Variants in LRRC63 observed in about 807,000 individuals in gnomAD.
LRRC63 encodes leucine rich repeat containing 63.
LRRC63 carries 40 observed loss-of-function variants against 49.5 expected under a neutral mutation model. The observed-to-expected ratio is 0.81, with a 90% confidence interval of 0.63 to 1.05. LRRC63 has a LOEUF of 1.05. Among genes scored for constraint, LRRC63 ranks in the 50% least tolerant of loss-of-function variants. LRRC63 has a pLI of 0.00. For synonymous variants in LRRC63, 191 were observed against 221.1 expected, an observed-to-expected ratio of 0.86 and a Z score of 1.21; for missense variants, 636 against 663.1, an observed-to-expected ratio of 0.96 and a Z score of 0.45.
chr13:46,257,345 G>C (rs933509784), intron 7 of LRRC63, among the ~76,000 whole-genome samples: 1 of 152,152 alleles, frequency 6.6e-6, no homozygotes, highest in Non-Finnish European at 1.5e-5. Context: ...TTTTAGTAGA[G>C]TGAGACCTTT....
intron 6 of LRRC63, chr13:46,250,088 A>G (rs375686376): frequency 7.8e-5 from 16 of 204,812 alleles, no homozygotes; most frequent in East Asian, 5.4e-4. Context: ...TTGATCAGAA[A>G]GGGTAACTTT....
intron 5 of LRRC63, among the ~76,000 whole-genome samples, chr13:46,241,957 C>T (rs183680472): frequency 3.3e-5 from 5 of 152,228 alleles, no homozygotes; most frequent in Non-Finnish European, 5.9e-5. Context: ...GACCCAGCAT[C>T]CCATTACTGG....
chr13:46,266,913 A>G (rs2047691688), exon 9 of LRRC63: 19 of 1,548,206 alleles, frequency 1.2e-5, no homozygotes, highest in Non-Finnish European at 1.5e-5. Flanking sequence ...TCATTGTCCA[A>G]AATAAACTAC....
intron 5 of LRRC63, among the ~76,000 whole-genome samples, chr13:46,236,059 A>C (rs1320748530): frequency 3.9e-5 from 6 of 152,110 alleles, no homozygotes; most frequent in Non-Finnish European, 1.5e-5. Context: ...AGAAATATTG[A>C]TTAGGCAGAA....
intron 2 of LRRC63, among the ~76,000 whole-genome samples, chr13:46,215,964 C>G (rs150099619): frequency 8.0e-4 from 121 of 152,188 alleles, no homozygotes; most frequent in African/African-American, 2.6e-3. Flanking sequence ...CTGTTCTGCT[C>G]CATTGGTCTC....
At chr13:46,236,587 A>G (rs1239161698) in intron 5 of LRRC63, among the ~76,000 whole-genome samples, 2 of 152,156 alleles carry the variant, frequency 1.3e-5, no homozygotes, top group African/African-American at 2.4e-5. Context: ...CTATCCTTCA[A>G]AAACAAAGGA....
chr13:46,240,189 C>T lies in LRRC63; in HGVS notation c.990+5840C>T, dbSNP rs529651808. Among the ~76,000 whole-genome samples the T allele has an allele frequency of 1.1e-4, 16 of 149,776 alleles. No individual in the cohort carries two copies. The East Asian group carries it at 1.2e-3, about 11-fold the overall frequency. On this transcript the variant is annotated intron_variant, in intron 5 of 9. Transcript: ENST00000595396. Reference sequence around the variant, plus strand: ...TTGCCCAGGCTGGAGTGCAGTGGCACGATCTTGGCTCACTGCAAGCTCTGT... The same window carrying T: ...TTGCCCAGGCTGGAGTGCAGTGGCATGATCTTGGCTCACTGCAAGCTCTGT...
intron 9 of LRRC63, among the ~76,000 whole-genome samples, chr13:46,268,025 A>T (rs1737628298): frequency 6.6e-6 from 1 of 152,222 alleles, no homozygotes; most frequent in Non-Finnish European, 1.5e-5. Flanking sequence ...CATTCAAATG[A>T]ATATTAGCTC....
At chr13:46,228,080 A>G (rs1566477608) in exon 3 of LRRC63, 1 of 1,551,002 alleles carries the variant, frequency 6.4e-7, no homozygotes, top group East Asian at 2.4e-5. Flanking sequence ...AGTGGCCTGA[A>G]CATTTTAAAT....
chr13:46,234,141 T>C, intron 4 of LRRC63, 51 bp from the exon 5 acceptor site: 1 of 1,468,094 alleles, frequency 6.8e-7, no homozygotes, highest in Non-Finnish European at 9.3e-7. Context: ...ACTTTCATTC[T>C]AAGTGATAAC....
chr13:46,269,264 C>A (rs1182955673), intron 9 of LRRC63, among the ~76,000 whole-genome samples: 3 of 148,980 alleles, frequency 2.0e-5, no homozygotes, highest in Non-Finnish European at 4.4e-5. Flanking sequence ...TCAAGACTTA[C>A]TATACAAAGT....
At chr13:46,246,819 A>G (rs913228536) in intron 6 of LRRC63, among the ~76,000 whole-genome samples, 194 bp downstream of exon 6, 5 of 152,258 alleles carry the variant, frequency 3.3e-5, no homozygotes, top group Non-Finnish European at 5.9e-5. Context: ...CCATGATGTA[A>G]TCCTCAAAGA....
intron 5 of LRRC63, among the ~76,000 whole-genome samples, chr13:46,243,620 G>T (rs1266551714): frequency 6.6e-6 from 1 of 152,116 alleles, no homozygotes; most frequent in Admixed American, 6.5e-5. Context: ...ACTTATATCA[G>T]ATAAAGTAAA....
At chr13:46,267,094 C>T (rs1428902467) in intron 9 of LRRC63, 122 bp downstream of exon 9, 1 of 909,070 alleles carries the variant, frequency 1.1e-6, no homozygotes, top group African/African-American at 1.7e-5. Context: ...CACACAAAAC[C>T]ATACACACAA....
chr13:46,236,612 C>T (rs541380555), intron 5 of LRRC63, among the ~76,000 whole-genome samples: 9 of 152,202 alleles, frequency 5.9e-5, no homozygotes, highest in Admixed American at 4.6e-4. Context: ...TTAAGACATT[C>T]CCCAATAAGC....
chr13:46,262,610 A>G (rs545829561), intron 8 of LRRC63, among the ~76,000 whole-genome samples: 10 of 152,112 alleles, frequency 6.6e-5, no homozygotes, highest in Non-Finnish European at 1.5e-4. Flanking sequence ...ATTTGGGAGA[A>G]TTTATATTTT....
intron 2 of LRRC63, among the ~76,000 whole-genome samples, chr13:46,216,405 G>GTT (rs2046252364): frequency 1.3e-5 from 2 of 152,076 alleles, no homozygotes; most frequent in African/African-American, 4.8e-5. Context: ...CACTTATGAT[G>GTT]TGGCTCTCTG....
At chr13:46,268,590 C>A (rs1311511122) in intron 9 of LRRC63, among the ~76,000 whole-genome samples, 2 of 148,730 alleles carry the variant, frequency 1.3e-5, no homozygotes, top group African/African-American at 2.6e-5. Context: ...CCACAGTGGA[C>A]CAGTGACTGA....
intron 7 of LRRC63, among the ~76,000 whole-genome samples, chr13:46,258,610 C>T (rs190801352): frequency 6.7e-6 from 1 of 150,332 alleles, no homozygotes; most frequent in East Asian, 2.0e-4. Flanking sequence ...GAGATCGAGA[C>T]CATCCTGGCC....
Sources: allele counts gnomAD v4.1 joint callset (sites outside exome capture counted in the v4.1 genomes callset), GRCh38; gene constraint gnomAD v4.1.1; transcripts MANE v1.5; gene names NCBI Gene and HGNC (gene_info 2026-07-23, HGNC 2026-07-21).